Variants in RBM6 observed in about 807,000 individuals in gnomAD.
RBM6 encodes the protein RNA binding motif protein 6, also known as RNA-binding protein 6.
A neutral mutation model predicts 140.4 loss-of-function variants in RBM6; 23 were observed. The ratio of observed to expected loss-of-function variants is 0.16; its 90% confidence interval spans 0.12 to 0.23. The LOEUF (loss-of-function observed/expected upper bound fraction) is 0.23. Among genes scored for constraint, RBM6 ranks in the 10% least tolerant of loss-of-function variants. The pLI is 1.00. For missense variants in RBM6, 1,139 were observed against 1,386.7 expected, an observed-to-expected ratio of 0.82 and a Z score of 2.84; for synonymous variants, 439 against 475.6, an observed-to-expected ratio of 0.92 and a Z score of 1.00.
intron 5 of RBM6, among the ~76,000 whole-genome samples, chr3:49,986,183 G>A (rs1418318102): frequency 1.3e-5 from 2 of 151,262 alleles, no homozygotes; most frequent in East Asian, 2.0e-4. Flanking sequence ...TAGTAGAGAC[G>A]GGGTTTCACC....
intron 5 of RBM6, among the ~76,000 whole-genome samples, chr3:49,993,995 C>G (rs1191802262): frequency 6.6e-6 from 1 of 152,188 alleles, no homozygotes; most frequent in East Asian, 1.9e-4. Flanking sequence ...CAATTTTATC[C>G]TTCCCTGATG....
intron 6 of RBM6, among the ~76,000 whole-genome samples, chr3:50,003,147 T>TA (rs1315885912): frequency 1.3e-5 from 2 of 151,660 alleles, no homozygotes; most frequent in African/African-American, 4.8e-5. Flanking sequence ...AATAAATAAA[T>TA]AAATAAAATA....
chr3:49,962,543 A>G lies in RBM6; in HGVS notation c.-66-33A>G, dbSNP rs188170184. ...TGGTTTAGCTTTTAGTTCACATTCT[A>G]AAGTACTAATTTTTGTGGTTTATTT... On this transcript the variant is annotated intron_variant, in intron 1 of 20. Coordinates refer to ENST00000266022, the MANE Select transcript of RBM6 (RefSeq NM_005777.3). 2.1e-5 allele frequency: 22 copies of G among 1,048,804 alleles called. No homozygotes were observed. In the African/African-American group the frequency reaches 3.5e-4, roughly 17 times the overall value. 65.0% of individuals were successfully genotyped at this position (1,048,804 alleles called of 1,614,324 possible).
chr3:50,045,379 C>T (rs1006427974), intron 6 of RBM6, among the ~76,000 whole-genome samples: 1 of 152,158 alleles, frequency 6.6e-6, no homozygotes, highest in Non-Finnish European at 1.5e-5. Context: ...CCTCCAGAGC[C>T]ACTGTGTACC....
Position 49,968,213 on chromosome 3 carries a change from C to G in RBM6, c.788C>G (p.Ser263Cys). The G allele has an allele frequency of 6.2e-7, 1 of 1,614,014 alleles. No homozygotes were observed. Among genetic ancestry groups the G allele is most frequent in the Non-Finnish European group, 8.5e-7 (1 of 1,180,028 alleles). Residue 263 changes from serine (S) to cysteine (C), a missense_variant, in exon 3 of 21, where the codon TCT becomes TGT. Coordinates refer to ENST00000266022, the MANE Select transcript of RBM6 (RefSeq NM_005777.3). ...TCAGATTTCAGAGGTAGACACCGAT[C>G]TAGGACTGATCAGGATTTTAGGGGC... The part of the protein sequence containing the change: ...PHSDFRGRHR[S>C]RTDQDFRGRE...
intron 5 of RBM6, among the ~76,000 whole-genome samples, chr3:49,979,154 A>G (rs941348049): frequency 3.3e-5 from 5 of 152,220 alleles, no homozygotes; most frequent in African/African-American, 1.2e-4. Context: ...TGAAAACATT[A>G]TAAAAGAAGC....
chr3:49,974,433 G>A lies in RBM6; in HGVS notation c.1414-890G>A, dbSNP rs574179166. On this transcript the variant is annotated intron_variant, in intron 4 of 20. Transcript: ENST00000266022. ...GTTGCCCAGGCTGGAATGCAGTGGT[G>A]CGATCTTGGCTCACTGCAAGCTCCT... Among the ~76,000 whole-genome samples, 93 of 145,638 alleles carry A rather than the reference G, an allele frequency of 6.4e-4. 3 individuals are homozygous for A. The highest frequency in any genetic ancestry group is 3.6e-4 in the Non-Finnish European group (24 of 66,548).
At chr3:50,003,194 G>A (rs1268545781) in intron 6 of RBM6, among the ~76,000 whole-genome samples, 3 of 151,630 alleles carry the variant, frequency 2.0e-5, no homozygotes, top group Admixed American at 1.3e-4. Context: ...TGTAGGCCGG[G>A]CACTATGGCT....
At chr3:50,046,547 C>G (rs536713235) in intron 6 of RBM6, among the ~76,000 whole-genome samples, 1 of 151,204 alleles carries the variant, frequency 6.6e-6, no homozygotes, top group East Asian at 1.9e-4. Context: ...CCATAGCACT[C>G]CAGCCTGGGC....
chr3:49,955,757 C>A (rs2083952303), intron 1 of RBM6, among the ~76,000 whole-genome samples: 1 of 151,712 alleles, frequency 6.6e-6, no homozygotes, highest in Non-Finnish European at 1.5e-5. Flanking sequence ...ACAGGAGAAT[C>A]TCTTGAACTT....
chr3:49,991,029 G>C (rs761100991), intron 5 of RBM6, among the ~76,000 whole-genome samples: 8 of 152,116 alleles, frequency 5.3e-5, no homozygotes, highest in Non-Finnish European at 1.0e-4. Context: ...CAGGTCCCAA[G>C]GTTACCTACA....
At chr3:50,032,122 A>G (rs377560921) in intron 6 of RBM6, among the ~76,000 whole-genome samples, 251 of 152,322 alleles carry the variant, frequency 1.6e-3, no homozygotes, top group Middle Eastern at 0.01. Flanking sequence ...CTATGTGCCC[A>G]GTTAAAAAGC....
At chr3:50,070,235 G>T (rs537067634) in intron 18 of RBM6, among the ~76,000 whole-genome samples, 3 of 151,994 alleles carry the variant, frequency 2.0e-5, no homozygotes, top group Non-Finnish European at 4.4e-5. Flanking sequence ...CTCACCTGTA[G>T]TCCCAGCTAC....
At chr3:49,994,669 G>GGGGTGTGTGTGTGTGT (rs148704782) in intron 5 of RBM6, among the ~76,000 whole-genome samples, 388 of 148,254 alleles carry the variant, frequency 2.6e-3, no homozygotes, top group Non-Finnish European at 3.2e-3. Flanking sequence ...AAGGCTGTGG[G>GGGGTGTGTGTGTGTGT]GTGTGTGTGT....
intron 6 of RBM6, among the ~76,000 whole-genome samples, chr3:50,017,013 A>T (rs1283329637): frequency 6.6e-6 from 1 of 151,874 alleles, no homozygotes; most frequent in Admixed American, 6.6e-5. Context: ...TTTAGTAGAG[A>T]TGAGGTTTCA....
At chr3:49,991,985 T>C (rs892851341) in intron 5 of RBM6, among the ~76,000 whole-genome samples, 1 of 151,708 alleles carries the variant, frequency 6.6e-6, no homozygotes, top group Non-Finnish European at 1.5e-5. Context: ...AGAGTCTTGC[T>C]CTGTAGCCCA....
At chr3:49,995,812 A>T (rs1294711871) in intron 5 of RBM6, among the ~76,000 whole-genome samples, 1 of 152,146 alleles carries the variant, frequency 6.6e-6, no homozygotes, top group Non-Finnish European at 1.5e-5. Context: ...TAGCAATTCT[A>T]ATCTCAAAGT....
intron 6 of RBM6, among the ~76,000 whole-genome samples, chr3:50,001,183 G>A (rs1466155638): frequency 2.6e-5 from 4 of 152,156 alleles, no homozygotes; most frequent in African/African-American, 7.2e-5. Context: ...AAATAATACA[G>A]GCCAGGAGTG....
chr3:50,023,003 A>G (rs1444840523), intron 6 of RBM6, among the ~76,000 whole-genome samples: 3 of 152,048 alleles, frequency 2.0e-5, no homozygotes, highest in African/African-American at 4.8e-5. Flanking sequence ...GGAGGCTGAG[A>G]TGGAAGGATA....
Sources: allele counts gnomAD v4.1 joint callset (sites outside exome capture counted in the v4.1 genomes callset), GRCh38; gene constraint gnomAD v4.1.1; transcripts MANE v1.5; gene names NCBI Gene and HGNC (gene_info 2026-07-23, HGNC 2026-07-21).